The following OCA2 variants were observed in gnomAD, a reference collection of about 807,000 sequenced individuals.
OCA2 encodes the protein P protein.
A neutral mutation model predicts 100.2 loss-of-function variants in OCA2; 77 were observed. The observed-to-expected ratio is 0.77, with a 90% CI of 0.64 to 0.93. The LOEUF is 0.93. Among genes scored for constraint, OCA2 ranks in the 40% least tolerant of loss-of-function variants. The probability of loss-of-function intolerance (pLI) is 0.00; values close to 1 mark genes in which losing one functional copy is unlikely to be tolerated. For synonymous variants in OCA2, 432 were observed against 439.2 expected (o/e 0.98, Z 0.21); for missense variants, 1,062 against 1,089.1 (o/e 0.98, Z 0.35).
In OCA2 at chr15:27,951,911, A is replaced by G. The variant is rs753461582; in HGVS notation, c.1843-19T>C. On this transcript the variant is annotated intron_variant, in intron 17 of 23. Transcript: ENST00000354638. ...TCCTATGCTGTAAGAGAGAAACCAC[A>G]GCTCATTTACTCTGCACAACCTTCT... 31 of 1,541,126 alleles carry G rather than the reference A, an allele frequency of 2.0e-5. 1 individual carries two copies. In the East Asian group the frequency reaches 6.5e-4, roughly 32 times the overall value.
intron 2 of OCA2, among the ~76,000 whole-genome samples, chr15:28,052,425 T>A (rs2043546130): frequency 6.6e-6 from 1 of 152,170 alleles, no homozygotes; most frequent in African/African-American, 2.4e-5. Context: ...AATCACGCCT[T>A]CTGCTGAGAG....
intron 2 of OCA2, among the ~76,000 whole-genome samples, chr15:28,070,500 G>A (rs1417944177): frequency 2.3e-5 from 3 of 130,284 alleles, no homozygotes; most frequent in Non-Finnish European, 4.7e-5. Context: ...GGGGGGGTCA[G>A]CCCCCCGCCT....
chr15:27,812,984 T>C (rs558432856), intron 23 of OCA2, among the ~76,000 whole-genome samples: 1 of 152,092 alleles, frequency 6.6e-6, no homozygotes, highest in Non-Finnish European at 1.5e-5. Context: ...GACTCCCTTC[T>C]GCCCCCTCCC....
intron 23 of OCA2, among the ~76,000 whole-genome samples, chr15:27,820,514 C>T (rs926358164): frequency 3.3e-5 from 5 of 152,114 alleles, no homozygotes; most frequent in African/African-American, 9.7e-5. Flanking sequence ...GACACATGAC[C>T]GATAGACCTC....
chr15:28,008,691 T>C (rs182740400), intron 9 of OCA2, among the ~76,000 whole-genome samples: 28 of 152,382 alleles, frequency 1.8e-4, no homozygotes, highest in African/African-American at 6.7e-4. Flanking sequence ...ATGGCCTTGC[T>C]GAGGAAATTA....
intron 2 of OCA2, among the ~76,000 whole-genome samples, chr15:28,060,044 G>A (rs561912909): frequency 5.3e-4 from 81 of 152,312 alleles, no homozygotes; most frequent in Non-Finnish European, 9.4e-4. Context: ...CATGCAACCC[G>A]CTGCTTCCAC....
At chr15:27,797,361 C>T (rs145594689) in intron 23 of OCA2, among the ~76,000 whole-genome samples, 83 of 152,236 alleles carry the variant, frequency 5.5e-4, no homozygotes, top group African/African-American at 1.8e-3. Context: ...GAGCACAAAC[C>T]GTACCCTCCA....
intron 23 of OCA2, among the ~76,000 whole-genome samples, chr15:27,780,616 C>T (rs182817627): frequency 7.2e-5 from 11 of 152,190 alleles, no homozygotes; most frequent in Non-Finnish European, 1.6e-4. Context: ...TCAGGTTACT[C>T]GGGTAATTAA....
intron 1 of OCA2, 31 bp from the exon 2 acceptor site, chr15:28,081,926 T>C: frequency 6.5e-7 from 1 of 1,539,778 alleles, no homozygotes; most frequent in Non-Finnish European, 8.8e-7. Context: ...CCACTCTTCA[T>C]GAAAGGCACA....
intron 1 of OCA2, among the ~76,000 whole-genome samples, chr15:28,082,745 G>T (rs1346455169): frequency 6.6e-6 from 1 of 152,210 alleles, no homozygotes; most frequent in African/African-American, 2.4e-5. Flanking sequence ...GATGGCGAAA[G>T]TGCCCACGGG....
At chr15:28,091,147 G>A (rs2044863963) in intron 1 of OCA2, among the ~76,000 whole-genome samples, 1 of 152,028 alleles carries the variant, frequency 6.6e-6, no homozygotes, top group Non-Finnish European at 1.5e-5. Flanking sequence ...ATATAAAATG[G>A]GTAATGTCAA....
intron 1 of OCA2, among the ~76,000 whole-genome samples, chr15:28,097,077 C>A (rs1273677580): frequency 6.6e-6 from 1 of 152,210 alleles, no homozygotes; most frequent in Non-Finnish European, 1.5e-5. Context: ...TGCAGGCCAG[C>A]TTGGAAACTG....
At chr15:28,027,802 G>A (rs886381479) in intron 4 of OCA2, 69 bp downstream of exon 4, 9 of 1,494,166 alleles carry the variant, frequency 6.0e-6, no homozygotes, top group Non-Finnish European at 8.3e-6. Flanking sequence ...TTTGAAAGAT[G>A]GAGGGGCCAT....
At chr15:27,787,874 A>C (rs2032893527) in intron 23 of OCA2, among the ~76,000 whole-genome samples, 1 of 151,800 alleles carries the variant, frequency 6.6e-6, no homozygotes, top group Non-Finnish European at 1.5e-5. Flanking sequence ...AACTCCATAA[A>C]TTTTCTTCTA....
chr15:28,009,078 A>G (rs2141181592), intron 9 of OCA2, among the ~76,000 whole-genome samples: 1 of 152,348 alleles, frequency 6.6e-6, no homozygotes, highest in East Asian at 1.9e-4. Flanking sequence ...GAGAGCCCAT[A>G]GGGCTGGCGA....
At chr15:28,035,542 G>C (rs1210248917) in intron 2 of OCA2, among the ~76,000 whole-genome samples, 1 of 152,130 alleles carries the variant, frequency 6.6e-6, no homozygotes, top group Non-Finnish European at 1.5e-5. Flanking sequence ...AAATAAAAAT[G>C]GTGGTCCACA....
chr15:27,760,789 T>G (rs145574414), intron 23 of OCA2, among the ~76,000 whole-genome samples: 5 of 152,082 alleles, frequency 3.3e-5, no homozygotes, highest in Admixed American at 1.3e-4. Context: ...TTAGAGACCT[T>G]CCAAAAAAGA....
chr15:28,026,798 C>T (rs1447327495), intron 4 of OCA2, among the ~76,000 whole-genome samples: 4 of 152,278 alleles, frequency 2.6e-5, no homozygotes, highest in East Asian at 3.9e-4. Context: ...CAACCAACCG[C>T]GAGCATCTTC....
Position 28,082,741 on chromosome 15 carries a change from G to A in OCA2, c.-21-846C>T, listed in dbSNP as rs570716173. Reference sequence around the variant, plus strand: ...CAAAACATGGCTACCTCTGGATGGCGAAAGTGCCCACGGGGGTCCTTTTTC... The same window carrying A: ...CAAAACATGGCTACCTCTGGATGGCAAAAGTGCCCACGGGGGTCCTTTTTC... On this transcript the variant is annotated intron_variant, in intron 1 of 23. Transcript: ENST00000354638. Among the ~76,000 whole-genome samples, 3 of 152,296 alleles carry A rather than the reference G, an allele frequency of 2.0e-5. No homozygotes were observed. In the South Asian group the frequency reaches 6.2e-4, roughly 32 times the overall value.
Sources: gnomAD v4.1 joint callset for allele counts (sites outside exome capture counted in the v4.1 genomes callset) on GRCh38, gnomAD v4.1.1 for gene constraint, MANE v1.5 for transcripts, NCBI Gene and HGNC (gene_info 2026-07-23, HGNC 2026-07-21) for gene names.